PAK5: variants seen among roughly 807,000 people sequenced by gnomAD.
PAK5 encodes the protein serine/threonine-protein kinase PAK 5.
Under a neutral mutation model 65.9 loss-of-function variants are expected in PAK5, and 16 were observed. That is an observed-to-expected ratio of 0.24 (90% CI 0.16 to 0.37). The LOEUF is 0.37. Among genes scored for constraint, PAK5 ranks in the 10% least tolerant of loss-of-function variants. The pLI is 1.00. For missense variants in PAK5, 785 were observed against 903.9 expected (o/e 0.87, Z 1.69); for synonymous variants, 371 against 354.9 (o/e 1.05, Z -0.51).
chr20:9,743,847 T>C (rs1452830339), intron 1 of PAK5, among the ~76,000 whole-genome samples: 1 of 152,210 alleles, frequency 6.6e-6, no homozygotes, highest in Non-Finnish European at 1.5e-5. Flanking sequence ...GCATAAGTTT[T>C]ACCTTACATG....
intron 2 of PAK5, among the ~76,000 whole-genome samples, chr20:9,701,251 T>G (rs1271924971): frequency 6.6e-6 from 1 of 152,198 alleles, no homozygotes; most frequent in Non-Finnish European, 1.5e-5. Context: ...TGTCAAACTT[T>G]GAAACGTGTG....
At chr20:9,569,908 G>T (rs1197285176) in intron 4 of PAK5, among the ~76,000 whole-genome samples, 2 of 149,504 alleles carry the variant, frequency 1.3e-5, no homozygotes, top group Non-Finnish European at 2.9e-5. Flanking sequence ...GCATCAACCA[G>T]CAGGAACCAG....
chr20:9,757,010 G>A (rs929911300), intron 1 of PAK5, among the ~76,000 whole-genome samples: 1 of 152,194 alleles, frequency 6.6e-6, no homozygotes, highest in African/African-American at 2.4e-5. Flanking sequence ...TCAGGGGCAT[G>A]TTCTACAATG....
At chr20:9,574,890 T>C (rs1312247582) in intron 4 of PAK5, among the ~76,000 whole-genome samples, 1 of 152,202 alleles carries the variant, frequency 6.6e-6, no homozygotes, top group African/African-American at 2.4e-5. Context: ...CAGTTTTCAC[T>C]AGCACTGTCA....
intron 3 of PAK5, among the ~76,000 whole-genome samples, chr20:9,633,501 C>A (rs943907584): frequency 6.6e-6 from 1 of 152,074 alleles, no homozygotes; most frequent in African/African-American, 2.4e-5. Context: ...ATTATAAGTG[C>A]CACAAAAGAA....
chr20:9,646,520 C>T (rs2047136901), intron 2 of PAK5, among the ~76,000 whole-genome samples: 1 of 152,146 alleles, frequency 6.6e-6, no homozygotes, highest in Non-Finnish European at 1.5e-5. Context: ...AAATACAAGT[C>T]AGCTGACCTT....
At chr20:9,808,404 A>G (rs1343446533) in intron 1 of PAK5, among the ~76,000 whole-genome samples, 1 of 152,188 alleles carries the variant, frequency 6.6e-6, no homozygotes. Context: ...TAAGTACCCA[A>G]GAGAATTGAA....
At chr20:9,691,816 A>G (rs976775593) in intron 2 of PAK5, among the ~76,000 whole-genome samples, 2 of 152,192 alleles carry the variant, frequency 1.3e-5, no homozygotes, top group Admixed American at 1.3e-4. Context: ...CCCCATATTC[A>G]GTCTGCAAGT....
intron 1 of PAK5, among the ~76,000 whole-genome samples, chr20:9,830,155 C>T (rs1179271085): frequency 6.6e-6 from 1 of 152,180 alleles, no homozygotes; most frequent in Non-Finnish European, 1.5e-5. Flanking sequence ...TAGCAGAGCC[C>T]TCTAATATAC....
chr20:9,580,166 C>G lies in PAK5; in HGVS notation c.969G>C (p.Glu323Asp), dbSNP rs2045951785. 3 of 1,612,266 alleles carry G rather than the reference C, an allele frequency of 1.9e-6. No individual in the cohort carries two copies. The highest frequency in any genetic ancestry group is 2.5e-6 in the Non-Finnish European group (3 of 1,178,760). Reference protein sequence around the residue: ...YNSYTYPRLSEPTMCIPKVDY... With the variant: ...YNSYTYPRLSDPTMCIPKVDY... ...TTACCTTTGGAATGCACATTGTGGG[C>G]TCGGACAAGCGAGGGTAGGTGTAGG... Residue 323 changes from glutamate (E) to aspartate (D), a missense_variant, in exon 4 of 10, where the codon GAG becomes GAC. Around this residue, in one of 4 missense-constraint regions of PAK5, gnomAD observed 422 missense variants for 413.3 expected, o/e 1.02. Coordinates refer to ENST00000353224, the MANE Select transcript of PAK5 (RefSeq NM_177990.4).
chr20:9,714,198 T>C (rs2048113508), intron 1 of PAK5, among the ~76,000 whole-genome samples: 2 of 152,138 alleles, frequency 1.3e-5, no homozygotes, highest in Admixed American at 1.3e-4. Flanking sequence ...ATGATATTAA[T>C]TATTGCTCCT....
intron 2 of PAK5, among the ~76,000 whole-genome samples, chr20:9,696,367 C>T (rs894449798): frequency 6.6e-6 from 1 of 151,934 alleles, no homozygotes; most frequent in African/African-American, 2.4e-5. Context: ...CATGTGTGCC[C>T]CAGTTTTCAA....
chr20:9,743,087 G>T (rs189290647), intron 1 of PAK5, among the ~76,000 whole-genome samples: 1 of 152,268 alleles, frequency 6.6e-6, no homozygotes, highest in East Asian at 1.9e-4. Context: ...TAAAAAACTG[G>T]CCAGGCATGG....
chr20:9,711,164 C>G (rs1031666935), intron 2 of PAK5, 122 bp downstream of exon 2: 2 of 152,122 alleles, frequency 1.3e-5, no homozygotes, highest in African/African-American at 4.8e-5. Context: ...AGTTTGCAGG[C>G]CTATAGCAGT....
intron 4 of PAK5, among the ~76,000 whole-genome samples, chr20:9,571,718 C>T (rs1020437777): frequency 6.6e-6 from 1 of 152,130 alleles, no homozygotes; most frequent in Admixed American, 6.5e-5. Flanking sequence ...TCTGTAATTC[C>T]TCCATTTTAT....
chr20:9,752,667 G>T (rs560066639), intron 1 of PAK5, among the ~76,000 whole-genome samples: 1 of 152,018 alleles, frequency 6.6e-6, no homozygotes, highest in Non-Finnish European at 1.5e-5. Context: ...TAAGACTAAG[G>T]AAATTGAATG....
intron 9 of PAK5, among the ~76,000 whole-genome samples, chr20:9,541,512 C>T (rs1239866210): frequency 6.6e-6 from 1 of 152,176 alleles, no homozygotes; most frequent in African/African-American, 2.4e-5. Flanking sequence ...ACCTTTTTCC[C>T]CTTTCTGACT....
At chr20:9,811,930 A>C (rs769808816) in intron 1 of PAK5, among the ~76,000 whole-genome samples, 27 of 152,254 alleles carry the variant, frequency 1.8e-4, no homozygotes, top group Middle Eastern at 3.4e-3. Flanking sequence ...GTTTATCTCC[A>C]TCCACCTCAG....
At chr20:9,812,982 A>C (rs1309828065) in intron 1 of PAK5, among the ~76,000 whole-genome samples, 1 of 152,184 alleles carries the variant, frequency 6.6e-6, no homozygotes, top group Non-Finnish European at 1.5e-5. Flanking sequence ...AAAGTTTAAT[A>C]GTAACTTAAA....
Sources: gnomAD v4.1 joint callset for allele counts (sites outside exome capture counted in the v4.1 genomes callset) on GRCh38, gnomAD v4.1.1 for gene constraint, gnomAD v4.1.1 regional missense constraint, MANE v1.5 for transcripts, NCBI Gene and HGNC (gene_info 2026-07-23, HGNC 2026-07-21) for gene names.